The following CAMKMT variants were observed in gnomAD, a reference collection of about 807,000 sequenced individuals.
CAMKMT encodes calmodulin-lysine N-methyltransferase, also known as CaM KMT.
CAMKMT carries 53 observed loss-of-function variants against 48.0 expected under a neutral mutation model. That is an observed-to-expected ratio of 1.10 (90% CI 0.89 to 1.39). The LOEUF (loss-of-function observed/expected upper bound fraction) is 1.39. CAMKMT is among the 40% of genes most tolerant of loss of function. The pLI, the probability that CAMKMT is intolerant of heterozygous loss-of-function variation, is 0.00. For missense variants in CAMKMT, 428 were observed against 402.7 expected (o/e 1.06, Z -0.54); for synonymous variants, 165 against 152.3 (o/e 1.08, Z -0.61).
At chr2:44,551,101 G>C (rs1241909586) in intron 3 of CAMKMT, among the ~76,000 whole-genome samples, 2 of 145,516 alleles carry the variant, frequency 1.4e-5, no homozygotes, top group Non-Finnish European at 3.1e-5. Flanking sequence ...AGGGTTCAGG[G>C]TAGAGTACGT....
intron 3 of CAMKMT, among the ~76,000 whole-genome samples, chr2:44,571,457 G>T (rs777540717): frequency 6.6e-6 from 1 of 152,122 alleles, no homozygotes; most frequent in Non-Finnish European, 1.5e-5. Context: ...TTTAAATCTA[G>T]TCTGCTATTT....
intron 3 of CAMKMT, among the ~76,000 whole-genome samples, chr2:44,492,213 G>A (rs1669541445): frequency 6.6e-6 from 1 of 152,042 alleles, no homozygotes; most frequent in Admixed American, 6.5e-5. Flanking sequence ...AATAAAGGAG[G>A]ATATTCACCA....
chr2:44,476,572 G>C (rs1359669917), intron 3 of CAMKMT, among the ~76,000 whole-genome samples: 1 of 151,514 alleles, frequency 6.6e-6, no homozygotes, highest in Non-Finnish European at 1.5e-5. Flanking sequence ...AATGTGTAAA[G>C]GTGTTTTTAC....
chr2:44,735,755 A>C (rs987950037), intron 7 of CAMKMT, among the ~76,000 whole-genome samples: 2 of 151,950 alleles, frequency 1.3e-5, no homozygotes, highest in African/African-American at 4.8e-5. Context: ...AAAAAAACAA[A>C]AACAAAAATT....
At chr2:44,725,561 A>C (rs1678734565) in intron 7 of CAMKMT, among the ~76,000 whole-genome samples, 1 of 152,196 alleles carries the variant, frequency 6.6e-6, no homozygotes, top group African/African-American at 2.4e-5. Flanking sequence ...GATCTGAGAA[A>C]GCTTCATGAA....
At chr2:44,724,567 G>C (rs985197979) in intron 7 of CAMKMT, among the ~76,000 whole-genome samples, 1 of 152,122 alleles carries the variant, frequency 6.6e-6, no homozygotes, top group East Asian at 1.9e-4. Flanking sequence ...TATATCCCTG[G>C]ATTGTTGCTC....
intron 3 of CAMKMT, among the ~76,000 whole-genome samples, chr2:44,414,989 A>C (rs1288905537): frequency 6.6e-6 from 1 of 152,170 alleles, no homozygotes; most frequent in African/African-American, 2.4e-5. Context: ...CCCCATCTCT[A>C]CTAAAAATAC....
At chr2:44,581,875 T>C (rs1669587003) in intron 3 of CAMKMT, among the ~76,000 whole-genome samples, 1 of 152,200 alleles carries the variant, frequency 6.6e-6, no homozygotes, top group Non-Finnish European at 1.5e-5. Flanking sequence ...GCCGCGCGCC[T>C]GTAGTCCCAG....
intron 7 of CAMKMT, among the ~76,000 whole-genome samples, chr2:44,740,310 A>T (rs1220111274): frequency 6.6e-6 from 1 of 151,758 alleles, no homozygotes; most frequent in Non-Finnish European, 1.5e-5. Context: ...TTGTATTTTT[A>T]GCAGCGAGGG....
At chr2:44,436,069 C>G (rs1378203348) in intron 3 of CAMKMT, among the ~76,000 whole-genome samples, 2 of 151,530 alleles carry the variant, frequency 1.3e-5, no homozygotes, top group African/African-American at 4.9e-5. Flanking sequence ...CAAACCAATT[C>G]TTTTTTTCTT....
At chr2:44,449,602 T>C (rs911314624) in intron 3 of CAMKMT, among the ~76,000 whole-genome samples, 1 of 152,174 alleles carries the variant, frequency 6.6e-6, no homozygotes, top group African/African-American at 2.4e-5. Context: ...TATGCTTCTT[T>C]TTATTCTTTA....
intron 7 of CAMKMT, among the ~76,000 whole-genome samples, chr2:44,742,425 T>A (rs143761169): frequency 6.6e-6 from 1 of 152,134 alleles, no homozygotes; most frequent in South Asian, 2.1e-4. Flanking sequence ...GTCTGTATAT[T>A]CACCCAATGC....
chr2:44,384,607 G>C (rs1680594592), intron 2 of CAMKMT, among the ~76,000 whole-genome samples: 1 of 130,014 alleles, frequency 7.7e-6, no homozygotes, highest in Non-Finnish European at 1.6e-5. Context: ...CTAGAATTTT[G>C]ATAGTTTCAG....
At chr2:44,413,168 T>C (rs1460909611) in intron 3 of CAMKMT, among the ~76,000 whole-genome samples, 1 of 152,162 alleles carries the variant, frequency 6.6e-6, no homozygotes, top group Non-Finnish European at 1.5e-5. Context: ...GGGGGCTGAT[T>C]ACAAGTGCTG....
chr2:44,771,324 T>G (rs555712766), intron 10 of CAMKMT, among the ~76,000 whole-genome samples: 1 of 152,336 alleles, frequency 6.6e-6, no homozygotes, highest in Non-Finnish European at 1.5e-5. Flanking sequence ...AAATTTTTAT[T>G]TGCTAGAATA....
intron 3 of CAMKMT, among the ~76,000 whole-genome samples, chr2:44,688,274 G>GT (rs1232689802): frequency 2.0e-5 from 3 of 152,162 alleles, no homozygotes; most frequent in Non-Finnish European, 2.9e-5. Context: ...AGACCGCTGT[G>GT]TTTACAGCCA....
chr2:44,516,739 ATT>A (rs749089273), intron 3 of CAMKMT, among the ~76,000 whole-genome samples: 6 of 133,090 alleles, frequency 4.5e-5, no homozygotes, highest in Admixed American at 1.5e-4. Flanking sequence ...GTTTCTTGAG[ATT>A]TTTTTTTTTT....
chr2:44,625,014 C>T (rs965623091), intron 3 of CAMKMT, among the ~76,000 whole-genome samples: 2 of 151,912 alleles, frequency 1.3e-5, no homozygotes, highest in African/African-American at 2.4e-5. Flanking sequence ...TAATGATTGC[C>T]GGAATGGCTG....
At chr2:44,734,309 C>T (rs183833476) in intron 7 of CAMKMT, among the ~76,000 whole-genome samples, 2 of 151,924 alleles carry the variant, frequency 1.3e-5, no homozygotes, top group African/African-American at 4.8e-5. Flanking sequence ...TTCTTTGGAC[C>T]CCAGGTTATT....
Sources: gnomAD v4.1 joint callset for allele counts (sites outside exome capture counted in the v4.1 genomes callset) on GRCh38, gnomAD v4.1.1 for gene constraint, MANE v1.5 for transcripts, NCBI Gene and HGNC (gene_info 2026-07-23, HGNC 2026-07-21) for gene names.